The following ZNF525 variants were observed in gnomAD, a reference collection of about 807,000 sequenced individuals.
The protein encoded by ZNF525 is zinc finger protein 525.
In ZNF525, 33 loss-of-function variants were observed where a neutral mutation model predicts 37.6. The observed-to-expected ratio is 0.88, with a 90% CI of 0.67 to 1.17. The LOEUF (loss-of-function observed/expected upper bound fraction) is 1.17, where lower values mean the gene tolerates loss of function less well. Among genes scored for constraint, ZNF525 ranks in the 50% most tolerant of loss-of-function variants. ZNF525 has a pLI of 0.00. For synonymous variants in ZNF525, 170 were observed against 182.3 expected (o/e 0.93, Z 0.54); for missense variants, 449 against 543.1 (o/e 0.83, Z 1.72).
At chr19:53,380,620 A>C in intron 3 of ZNF525, 102 bp from the exon 4 acceptor site, 1 of 637,280 alleles carries the variant, frequency 1.6e-6, no homozygotes, top group East Asian at 2.7e-5. Context: ...TTATTTATTA[A>C]AGAATCTTAC....
At chr19:53,377,949 A>G (rs568379422) in intron 3 of ZNF525, among the ~76,000 whole-genome samples, 2 of 152,286 alleles carry the variant, frequency 1.3e-5, no homozygotes, top group African/African-American at 4.8e-5. Context: ...TCCTTTGTTT[A>G]ATTAGATTTG....
intron 2 of ZNF525, among the ~76,000 whole-genome samples, chr19:53,373,833 A>T (rs2085504066): frequency 6.6e-6 from 1 of 151,722 alleles, no homozygotes; most frequent in Admixed American, 6.6e-5. Flanking sequence ...AAAAAAAAAA[A>T]TAGTTTTTAT....
Position 53,383,768 on chromosome 19 carries a change from C to T in ZNF525, c.*1749C>T, listed in dbSNP as rs1824791. The T allele has an allele frequency of 0.71, 379,499 of 533,678 alleles. 135,899 individuals are homozygous for T. The highest frequency in any genetic ancestry group is 0.79 in the Admixed American group (28,633 of 36,096). 33.1% of individuals were successfully genotyped at this position (533,678 alleles called of 1,614,324 possible). On this transcript the variant is annotated 3_prime_UTR_variant, in exon 4 of 4. Coordinates refer to ENST00000474037, the MANE Select transcript of ZNF525 (RefSeq NM_001348156.2). Reference sequence around the variant, plus strand: ...TAATTGTGGCAAATTTTTCAGACATCGTTCATACATTGCCGTTCATTGGCG... The same window carrying T: ...TAATTGTGGCAAATTTTTCAGACATTGTTCATACATTGCCGTTCATTGGCG...
At chr19:53,374,642 T>C (rs977168566) in intron 2 of ZNF525, among the ~76,000 whole-genome samples, 7 of 152,246 alleles carry the variant, frequency 4.6e-5, no homozygotes, top group African/African-American at 7.2e-5. Flanking sequence ...TGCTATTTTA[T>C]ATTTTTACAA....
intron 2 of ZNF525, among the ~76,000 whole-genome samples, chr19:53,373,443 G>A (rs922655329): frequency 6.6e-6 from 1 of 152,068 alleles, no homozygotes; most frequent in Admixed American, 6.6e-5. Context: ...ATCACATGAT[G>A]AATATATTTG....
At chr19:53,379,547 A>G (rs958441240) in intron 3 of ZNF525, 1 of 152,218 alleles carries the variant, frequency 6.6e-6, no homozygotes, top group Non-Finnish European at 1.5e-5. Flanking sequence ...CTTTTTTCTT[A>G]ACAGGGAATT....
chr19:53,373,332 G>A (rs2085500754), intron 2 of ZNF525, among the ~76,000 whole-genome samples: 1 of 152,090 alleles, frequency 6.6e-6, no homozygotes, highest in Admixed American at 6.6e-5. Flanking sequence ...AACCTCAGGT[G>A]ATCTGCCTGC....
Position 53,384,730 on chromosome 19 carries a change from C to T in ZNF525, c.*2711C>T. On this transcript the variant is annotated 3_prime_UTR_variant, in exon 4 of 4. Transcript: ENST00000474037. Reference sequence around the variant, plus strand: ...TCTACACAGAAGGTCATGTCGTCTACAAACAAATGTAATTTTACTTCTTTC... The same window carrying T: ...TCTACACAGAAGGTCATGTCGTCTATAAACAAATGTAATTTTACTTCTTTC... The T allele has an allele frequency of 2.2e-6, 1 of 452,092 alleles. No homozygotes were observed. Among genetic ancestry groups the T allele is most frequent in the Non-Finnish European group, 3.9e-6 (1 of 254,012 alleles). The allele number at this position is 452,092 out of a possible 1,614,324, so 28.0% of individuals were successfully genotyped here. A position where few individuals can be genotyped will look rare whatever the true frequency, so the allele number is the denominator to read the frequency against.
chr19:53,376,900 G>A (rs975152478), intron 3 of ZNF525, among the ~76,000 whole-genome samples: 2 of 152,164 alleles, frequency 1.3e-5, no homozygotes, highest in African/African-American at 4.8e-5. Flanking sequence ...AACCCTGGAG[G>A]TGGAGGTTGT....
rs565497261 is a variant in ZNF525, at chr19:53,383,591, T to C, written c.*1572T>C. The C allele has an allele frequency of 2.4e-5, 34 of 1,439,470 alleles. No individual in the cohort carries two copies. The African/African-American group carries it at 4.3e-4, about 18-fold the overall frequency. 89.2% of individuals were successfully genotyped at this position (1,439,470 alleles called of 1,614,324 possible). A position where few individuals can be genotyped will look rare whatever the true frequency, so the allele number is the denominator to read the frequency against. ...CAAGTGTAATGAGTGTGTCAAAGCC[T>C]TTAGTGGGCAGTCAACACTTATTCA... is the stretch of plus-strand genomic sequence containing the variant. On this transcript the variant is annotated 3_prime_UTR_variant, in exon 4 of 4. Transcript: ENST00000474037.
Position 53,382,656 on chromosome 19 carries a change from A to G in ZNF525, c.*637A>G. 1.4e-6 allele frequency: 1 copy of G among 718,242 alleles called. No individual in the cohort carries two copies. The highest frequency in any genetic ancestry group is 2.8e-5 in the East Asian group (1 of 35,872). The allele number at this position is 718,242 out of a possible 1,614,324, so 44.5% of individuals were successfully genotyped here. ...GGCAGAGGGAAACTTTACAAATGTAATGATTGTCACCACGTCTTCAGTAAT... is the reference window on the plus strand; with the variant it reads ...GGCAGAGGGAAACTTTACAAATGTAGTGATTGTCACCACGTCTTCAGTAAT... On this transcript the variant is annotated 3_prime_UTR_variant, in exon 4 of 4. Coordinates refer to ENST00000474037, the MANE Select transcript of ZNF525 (RefSeq NM_001348156.2).
chr19:53,378,240 T>C (rs1297351557), intron 3 of ZNF525, among the ~76,000 whole-genome samples: 1 of 152,304 alleles, frequency 6.6e-6, no homozygotes, highest in Middle Eastern at 3.4e-3. Flanking sequence ...GCGGATCACC[T>C]GAGTTAAGGA....
In ZNF525 at chr19:53,382,120, A is replaced by C; in HGVS notation, c.*101A>C. ...CATACGTCATCCATTGTATACCATCATAAATTTCATAGTGGAGAGAAACCT... is the reference window on the plus strand; with the variant it reads ...CATACGTCATCCATTGTATACCATCCTAAATTTCATAGTGGAGAGAAACCT... On this transcript the variant is annotated 3_prime_UTR_variant, in exon 4 of 4. Coordinates refer to ENST00000474037, the MANE Select transcript of ZNF525 (RefSeq NM_001348156.2). The C allele has an allele frequency of 6.4e-7, 1 of 1,564,034 alleles. No individual in the cohort carries two copies. The highest frequency in any genetic ancestry group is 1.1e-5 in the South Asian group (1 of 88,560).
At position 53,386,209 on chromosome 19, in the gene ZNF525, G is replaced by A. The variant is rs1444471720; in HGVS notation, c.*4190G>A. On this transcript the variant is annotated 3_prime_UTR_variant, in exon 4 of 4. Transcript: ENST00000474037. Reference sequence around the variant, plus strand: ...CTCTTCCATTCTTTGCCATCGTGGTGTGTGCTTGACTCTGCTTCTTGCCAC... The same window carrying A: ...CTCTTCCATTCTTTGCCATCGTGGTATGTGCTTGACTCTGCTTCTTGCCAC... 8.1e-6 allele frequency: 5 copies of A among 620,176 alleles called. No homozygotes were observed. Among genetic ancestry groups the A allele is most frequent in the African/African-American group, 5.6e-5 (3 of 53,556 alleles). 38.4% of individuals were successfully genotyped at this position (620,176 alleles called of 1,614,324 possible). A position where few individuals can be genotyped will look rare whatever the true frequency, so the allele number is the denominator to read the frequency against.
intron 3 of ZNF525, among the ~76,000 whole-genome samples, chr19:53,379,171 A>G (rs2085542475): frequency 6.6e-6 from 1 of 151,974 alleles, no homozygotes; most frequent in Non-Finnish European, 1.5e-5. Context: ...GCTGGAGTGC[A>G]GTGGTGGGAC....
chr19:53,366,797 C>CG (rs1401853087), intron 1 of ZNF525, among the ~76,000 whole-genome samples: 5 of 121,764 alleles, frequency 4.1e-5, no homozygotes, highest in South Asian at 2.7e-4. Flanking sequence ...AGAGTGGGGA[C>CG]AGGGGGTATA....
intron 3 of ZNF525, among the ~76,000 whole-genome samples, chr19:53,379,907 C>T (rs4552115): frequency 0.4 from 61,349 of 151,932 alleles, 15,057 homozygotes; most frequent in Admixed American, 0.54. Context: ...GAGGCTGAGG[C>T]AGGAGAATGG....
At chr19:53,372,617 G>C (rs556331476) in intron 2 of ZNF525, among the ~76,000 whole-genome samples, 37 of 152,332 alleles carry the variant, frequency 2.4e-4, no homozygotes, top group Non-Finnish European at 4.4e-4. Flanking sequence ...TGCACTGTCA[G>C]CTCTCTGTGG....
chr19:53,384,261 A>G lies in ZNF525; in HGVS notation c.*2242A>G, dbSNP rs11879156. The G allele has an allele frequency of 0.14, 31,365 of 231,650 alleles. 2,423 individuals carry two copies. The highest frequency in any genetic ancestry group is 0.19 in the African/African-American group (8,280 of 42,634). 14.3% of individuals were successfully genotyped at this position (231,650 alleles called of 1,614,324 possible). A position where few individuals can be genotyped will look rare whatever the true frequency, so the allele number is the denominator to read the frequency against. ...CACTTTGGTAGGCCAAGGTGGGTAAATCACTTGAGGTCAGGAGTTTGAGAT... is the reference window on the plus strand; with the variant it reads ...CACTTTGGTAGGCCAAGGTGGGTAAGTCACTTGAGGTCAGGAGTTTGAGAT... On this transcript the variant is annotated 3_prime_UTR_variant, in exon 4 of 4. Coordinates refer to ENST00000474037, the MANE Select transcript of ZNF525 (RefSeq NM_001348156.2).
Sources: gnomAD v4.1 joint callset for allele counts (sites outside exome capture counted in the v4.1 genomes callset) on GRCh38, gnomAD v4.1.1 for gene constraint, MANE v1.5 for transcripts, NCBI Gene and HGNC (gene_info 2026-07-23, HGNC 2026-07-21) for gene names.